The following CA10 variants were observed in gnomAD, a reference collection of about 807,000 sequenced individuals.
The protein encoded by CA10 is carbonic anhydrase 10 (inactive).
A neutral mutation model predicts 44.2 loss-of-function variants in CA10; 14 were observed. That is an observed-to-expected ratio of 0.32 (90% confidence interval 0.21 to 0.50). CA10 has a LOEUF of 0.50. Among genes scored for constraint, CA10 ranks in the 20% least tolerant of loss-of-function variants. CA10 has a pLI of 0.99. For synonymous variants in CA10, 159 were observed against 141.6 expected (o/e 1.12, Z -0.87); for missense variants, 350 against 409.7 (o/e 0.85, Z 1.26).
chr17:52,113,224 G>C (rs539942941), intron 1 of CA10, among the ~76,000 whole-genome samples: 1 of 152,308 alleles, frequency 6.6e-6, no homozygotes, highest in South Asian at 2.1e-4. Context: ...AGAGGGCCCA[G>C]CCTCTGTAAG....
At chr17:51,759,497 A>T (rs112567212) in intron 3 of CA10, among the ~76,000 whole-genome samples, 2 of 129,924 alleles carry the variant, frequency 1.5e-5, no homozygotes, top group Non-Finnish European at 1.7e-5. Flanking sequence ...TAATATATTT[A>T]TTTTTTTTGG....
intron 4 of CA10, among the ~76,000 whole-genome samples, chr17:51,699,986 T>TTGCATGGGGATCA (rs539495588): frequency 1.4e-3 from 211 of 151,954 alleles, no homozygotes; most frequent in African/African-American, 4.9e-3. Flanking sequence ...CCCCATGGGG[T>TTGCATGGGGATCA]AGACATCAGA....
chr17:52,108,274 C>T (rs1028413121), intron 1 of CA10, among the ~76,000 whole-genome samples: 4 of 146,076 alleles, frequency 2.7e-5, no homozygotes, highest in Non-Finnish European at 6.0e-5. Flanking sequence ...AATGAATTAA[C>T]AGCACTTGCA....
intron 1 of CA10, among the ~76,000 whole-genome samples, chr17:52,096,139 T>A (rs922319341): frequency 1.4e-4 from 21 of 152,108 alleles, no homozygotes; most frequent in Non-Finnish European, 7.4e-5. Context: ...GGTACTAAGG[T>A]TCACCTGGCT....
intron 3 of CA10, among the ~76,000 whole-genome samples, chr17:51,889,199 A>G (rs185599037): frequency 2.4e-4 from 37 of 152,244 alleles, no homozygotes; most frequent in Non-Finnish European, 4.6e-4. Flanking sequence ...CCTCTACCAC[A>G]TTCTGTTACT....
At chr17:51,715,210 C>G (rs183377466) in intron 4 of CA10, among the ~76,000 whole-genome samples, 110 of 151,872 alleles carry the variant, frequency 7.2e-4, no homozygotes, top group African/African-American at 2.6e-3. Flanking sequence ...ACACCAGGGA[C>G]TGTTGTGGGG....
At chr17:51,654,354 A>T (rs555428166) in intron 4 of CA10, among the ~76,000 whole-genome samples, 2 of 152,266 alleles carry the variant, frequency 1.3e-5, no homozygotes, top group East Asian at 1.9e-4. Flanking sequence ...TAATTTTTTT[A>T]AATTCATTTT....
At chr17:51,654,947 A>AT (rs796233936) in intron 4 of CA10, among the ~76,000 whole-genome samples, 49 of 152,218 alleles carry the variant, frequency 3.2e-4, no homozygotes, top group African/African-American at 1.1e-3. Context: ...CATGCTATAC[A>AT]TACAACTATT....
At chr17:51,674,255 A>T (rs1207500732) in intron 4 of CA10, among the ~76,000 whole-genome samples, 2 of 152,230 alleles carry the variant, frequency 1.3e-5, no homozygotes, top group Non-Finnish European at 2.9e-5. Flanking sequence ...TTGTTGATAT[A>T]GATGATTTTT....
At chr17:51,643,634 A>C (rs1913192209) in intron 6 of CA10, among the ~76,000 whole-genome samples, 1 of 152,182 alleles carries the variant, frequency 6.6e-6, no homozygotes, top group Non-Finnish European at 1.5e-5. Flanking sequence ...CACTGCATGG[A>C]TTCAAGCACA....
At chr17:51,691,146 T>A (rs1016098218) in intron 4 of CA10, among the ~76,000 whole-genome samples, 3 of 152,232 alleles carry the variant, frequency 2.0e-5, no homozygotes, top group African/African-American at 7.2e-5. Context: ...AGAATCTTCA[T>A]ACTGTTTCCG....
chr17:51,631,802 G>T (rs1370489310), intron 8 of CA10, among the ~76,000 whole-genome samples, 196 bp from the exon 9 acceptor site: 2 of 152,024 alleles, frequency 1.3e-5, no homozygotes, highest in African/African-American at 4.8e-5. Flanking sequence ...GACCAATATG[G>T]TGGCCACTAG....
chr17:52,012,146 T>C (rs1985818129), intron 2 of CA10, among the ~76,000 whole-genome samples: 1 of 152,074 alleles, frequency 6.6e-6, no homozygotes, highest in Non-Finnish European at 1.5e-5. Flanking sequence ...ATCTTTACAA[T>C]GATTTTGTAA....
chr17:51,665,179 A>G (rs1429161873), intron 4 of CA10, among the ~76,000 whole-genome samples: 1 of 152,258 alleles, frequency 6.6e-6, no homozygotes, highest in Admixed American at 6.5e-5. Context: ...ACTGTTCACA[A>G]AACTAGGCTT....
chr17:51,749,850 C>T (rs998633174), intron 3 of CA10, among the ~76,000 whole-genome samples: 9 of 152,300 alleles, frequency 5.9e-5, no homozygotes, highest in Non-Finnish European at 1.3e-4. Context: ...ATAACTACTT[C>T]GCTTCAGATA....
chr17:51,683,969 A>G (rs1226791860), intron 4 of CA10, among the ~76,000 whole-genome samples: 2 of 152,224 alleles, frequency 1.3e-5, no homozygotes, highest in African/African-American at 4.8e-5. Context: ...ATAGGTCTTT[A>G]AAGATGTTCA....
chr17:52,090,922 C>T (rs1988241538), intron 1 of CA10, among the ~76,000 whole-genome samples: 1 of 152,048 alleles, frequency 6.6e-6, no homozygotes, highest in South Asian at 2.1e-4. Flanking sequence ...CCAAGGAAGA[C>T]AAAGATTTAT....
intron 3 of CA10, among the ~76,000 whole-genome samples, chr17:51,916,806 T>C (rs564821577): frequency 1.3e-5 from 2 of 152,252 alleles, no homozygotes; most frequent in African/African-American, 2.4e-5. Context: ...ATCTTTGGAA[T>C]GAGGTAGTGC....
intron 2 of CA10, among the ~76,000 whole-genome samples, chr17:52,068,636 G>A (rs1315341513): frequency 6.6e-6 from 1 of 152,212 alleles, no homozygotes. Context: ...CTGACTCAAA[G>A]TGGCTCAAGC....
Sources: gnomAD v4.1 joint callset for allele counts (sites outside exome capture counted in the v4.1 genomes callset) on GRCh38, gnomAD v4.1.1 for gene constraint, MANE v1.5 for transcripts, NCBI Gene and HGNC (gene_info 2026-07-23, HGNC 2026-07-21) for gene names.